MTUS2: variants seen among roughly 807,000 people sequenced by gnomAD.
The protein encoded by MTUS2 is microtubule associated scaffold protein 2, also known as microtubule-associated tumor suppressor candidate 2.
In MTUS2, 40 loss-of-function variants were observed where a neutral mutation model predicts 114.1. The ratio of observed to expected loss-of-function variants is 0.35; its 90% CI spans 0.27 to 0.46. MTUS2 has a LOEUF of 0.46. Ranked by LOEUF, MTUS2 falls within the 20% of genes least tolerant of loss-of-function variation. The pLI is 1.00. For missense variants in MTUS2, 1,679 were observed against 1,705.4 expected (o/e 0.98, Z 0.27); for synonymous variants, 688 against 672.0 (o/e 1.02, Z -0.37).
At position 28,978,748 on chromosome 13, in the gene MTUS2, G is replaced by A. The variant is rs914521987; in HGVS notation, c.-242-45709G>A. Among the ~76,000 whole-genome samples, 6 of 152,272 alleles carry A rather than the reference G, an allele frequency of 3.9e-5. No homozygotes were observed. The South Asian group carries it at 1.2e-3, about 32-fold the overall frequency. On this transcript the variant is annotated intron_variant, in intron 2 of 15. Coordinates refer to ENST00000612955, the MANE Select transcript of MTUS2 (RefSeq NM_001033602.4). ...TGTTGTAAGACAGCAGCACATCTGT[G>A]GGCCCCAGTGACCTAACAGGCTGCA... is the stretch of plus-strand genomic sequence containing the variant.
chr13:28,844,404 T>G (rs1593239961), intron 2 of MTUS2, among the ~76,000 whole-genome samples: 1 of 151,650 alleles, frequency 6.6e-6, no homozygotes, highest in African/African-American at 2.4e-5. Context: ...TAAAATGCTG[T>G]GTGTGTGTGT....
intron 7 of MTUS2, among the ~76,000 whole-genome samples, chr13:29,336,564 T>C (rs1031317434): frequency 6.6e-6 from 1 of 152,114 alleles, no homozygotes; most frequent in Non-Finnish European, 1.5e-5. Context: ...CTTTCCTGTA[T>C]GAGATGTTTA....
At chr13:29,488,181 G>A (rs1468306100) in intron 11 of MTUS2, 176 bp downstream of exon 11, 1 of 597,546 alleles carries the variant, frequency 1.7e-6, no homozygotes, top group Non-Finnish European at 3.0e-6. Flanking sequence ...TAAGGATCCA[G>A]GTAGTTAGCT....
intron 5 of MTUS2, among the ~76,000 whole-genome samples, chr13:29,138,332 G>GTA (rs1892070280): frequency 6.6e-6 from 1 of 151,910 alleles, no homozygotes; most frequent in South Asian, 2.1e-4. Flanking sequence ...TTCTGCCAAT[G>GTA]TAATTGTTGT....
At chr13:29,134,832 C>T (rs376862019) in intron 5 of MTUS2, among the ~76,000 whole-genome samples, 12 of 152,268 alleles carry the variant, frequency 7.9e-5, no homozygotes, top group South Asian at 4.1e-4. Context: ...GTGATGCGCC[C>T]GCCTTGACCT....
At chr13:29,230,332 A>G (rs1896276530) in intron 5 of MTUS2, among the ~76,000 whole-genome samples, 1 of 152,246 alleles carries the variant, frequency 6.6e-6, no homozygotes, top group Admixed American at 6.5e-5. Context: ...AAAAATCAAG[A>G]GAGAAGAAAC....
At chr13:29,227,258 CAAA>C (rs10680419) in intron 5 of MTUS2, among the ~76,000 whole-genome samples, 1 of 120,662 alleles carries the variant, frequency 8.3e-6, no homozygotes, top group African/African-American at 3.3e-5. Context: ...GACTCCGTCT[CAAA>C]AAAAAAAAAA....
chr13:28,971,883 A>G (rs1483925555), intron 2 of MTUS2, among the ~76,000 whole-genome samples: 1 of 152,228 alleles, frequency 6.6e-6, no homozygotes, highest in Admixed American at 6.5e-5. Context: ...CTGCCATGCC[A>G]AAGCTTGCCT....
rs1340743993 is a variant in MTUS2 at position 28,997,883 on chromosome 13, C to T, written c.-242-26574C>T. 2.0e-5 allele frequency among the ~76,000 whole-genome samples: 3 copies of T among 152,150 alleles called. No individual in the cohort carries two copies. The East Asian group carries it at 5.8e-4, about 29-fold the overall frequency. On this transcript the variant is annotated intron_variant, in intron 2 of 15. Transcript: ENST00000612955. ...TGCCTTTTAATTGGAGCATTTTGCCCATTTACATTTAAGGTTAGTATTGTT... is the reference window on the plus strand; with the variant it reads ...TGCCTTTTAATTGGAGCATTTTGCCTATTTACATTTAAGGTTAGTATTGTT...
intron 8 of MTUS2, among the ~76,000 whole-genome samples, chr13:29,374,823 G>A (rs9579366): frequency 0.2 from 30,950 of 152,082 alleles, 3,254 homozygotes; most frequent in Middle Eastern, 0.25. Context: ...CTACTCGGGA[G>A]GCTGAGACAG....
intron 2 of MTUS2, among the ~76,000 whole-genome samples, chr13:28,882,561 C>A (rs1304070012): frequency 6.6e-6 from 1 of 151,976 alleles, no homozygotes; most frequent in East Asian, 1.9e-4. Context: ...CAGAGTGAGA[C>A]TCTGTCTCTA....
At chr13:29,322,620 G>T (rs190179533) in intron 6 of MTUS2, among the ~76,000 whole-genome samples, 2 of 152,180 alleles carry the variant, frequency 1.3e-5, no homozygotes, top group African/African-American at 4.8e-5. Flanking sequence ...AGAATGAAGC[G>T]GGTGAAGGGG....
At chr13:29,473,470 A>G (rs1031377466) in intron 9 of MTUS2, among the ~76,000 whole-genome samples, 1 of 152,196 alleles carries the variant, frequency 6.6e-6, no homozygotes. Context: ...TGTCTTATAA[A>G]TGGTTCCAAC....
At chr13:28,836,193 A>G (rs896311400) in intron 1 of MTUS2, among the ~76,000 whole-genome samples, 10 of 152,166 alleles carry the variant, frequency 6.6e-5, no homozygotes, top group Non-Finnish European at 1.5e-4. Flanking sequence ...TTTCATGTGG[A>G]AATATTTTAC....
chr13:29,013,056 A>G (rs1045192896), intron 2 of MTUS2, among the ~76,000 whole-genome samples: 3 of 152,328 alleles, frequency 2.0e-5, no homozygotes, highest in Admixed American at 1.3e-4. Context: ...TCCTGTGACA[A>G]GACAACAAAA....
intron 5 of MTUS2, among the ~76,000 whole-genome samples, chr13:29,254,428 C>T (rs182447746): frequency 6.6e-6 from 1 of 152,328 alleles, no homozygotes; most frequent in African/African-American, 2.4e-5. Context: ...CAGGCAGAGG[C>T]ATTTGTCAAT....
chr13:29,162,339 T>C (rs1407243057), intron 5 of MTUS2, among the ~76,000 whole-genome samples: 2 of 152,216 alleles, frequency 1.3e-5, no homozygotes, highest in African/African-American at 4.8e-5. Context: ...GTGATTTGTT[T>C]TGTTATTGTT....
intron 2 of MTUS2, among the ~76,000 whole-genome samples, chr13:28,999,286 G>A (rs1320773085): frequency 2.6e-5 from 4 of 152,158 alleles, no homozygotes; most frequent in Non-Finnish European, 5.9e-5. Flanking sequence ...CGTGTGAGGT[G>A]TCAGTCCGCC....
rs1593495320 is a variant in MTUS2 at position 29,480,849 on chromosome 13, A to G, written c.3399+485A>G. Among the ~76,000 whole-genome samples, 1 of 151,890 alleles carries G rather than the reference A, an allele frequency of 6.6e-6. No homozygotes were observed. The highest frequency in any genetic ancestry group is 1.5e-5 in the Non-Finnish European group (1 of 67,958). Reference sequence around the variant, plus strand: ...AATAACAAGCAAACATGTATGTAGCACTCGTCCTACACCAGACACTGCTCT... The same window carrying G: ...AATAACAAGCAAACATGTATGTAGCGCTCGTCCTACACCAGACACTGCTCT... On this transcript the variant is annotated intron_variant, in intron 10 of 15. Transcript: ENST00000612955. The surrounding 1 kb of genome is among the most constrained non-coding windows in gnomAD (Gnocchi z 4.4).
Sources: gnomAD v4.1 joint callset for allele counts (sites outside exome capture counted in the v4.1 genomes callset) on GRCh38, gnomAD v4.1.1 for gene constraint, Gnocchi (gnomAD v3.1) non-coding constraint, MANE v1.5 for transcripts, NCBI Gene and HGNC (gene_info 2026-07-23, HGNC 2026-07-21) for gene names.